Variants in TANGO6 observed in about 807,000 individuals in gnomAD.
TANGO6 encodes transport and Golgi organization protein 6 homolog.
In TANGO6, 90 loss-of-function variants were observed where a neutral mutation model predicts 114.2. The observed-to-expected ratio is 0.79, with a 90% CI of 0.66 to 0.94. The LOEUF (loss-of-function observed/expected upper bound fraction) is 0.94, where lower values mean the gene tolerates loss of function less well. Ranked by LOEUF, TANGO6 falls within the 40% of genes least tolerant of loss-of-function variation. The probability of loss-of-function intolerance (pLI) is 0.00; values close to 1 mark genes in which losing one functional copy is unlikely to be tolerated. For missense variants in TANGO6, 1,274 were observed against 1,315.3 expected, an observed-to-expected ratio of 0.97 and a Z score of 0.49; for synonymous variants, 477 against 509.8, an observed-to-expected ratio of 0.94 and a Z score of 0.87.
intron 4 of TANGO6, among the ~76,000 whole-genome samples, chr16:68,868,492 ATTTTTTTTTTT>A (rs765054621): frequency 4.3e-5 from 4 of 93,684 alleles, no homozygotes; most frequent in Admixed American, 1.2e-4. Context: ...CTATATTTCT[ATTTTTTTTTTT>A]TTTTTTTTTT....
intron 14 of TANGO6, among the ~76,000 whole-genome samples, chr16:68,943,806 C>G (rs1390744283): frequency 6.6e-6 from 1 of 152,080 alleles, no homozygotes; most frequent in African/African-American, 2.4e-5. Flanking sequence ...TTTTAAGAAA[C>G]AGCACGAAGG....
chr16:69,018,292 C>G (rs1343325699), intron 15 of TANGO6, among the ~76,000 whole-genome samples: 1 of 150,962 alleles, frequency 6.6e-6, no homozygotes, highest in Non-Finnish European at 1.5e-5. Flanking sequence ...TACAGGCGCC[C>G]GCCACCACGC....
In TANGO6 at chr16:68,860,359, T is replaced by C. The variant is rs1219435856; in HGVS notation, c.570T>C (p.Asp190=). 3 of 1,614,012 alleles carry C rather than the reference T, an allele frequency of 1.9e-6. No homozygotes were observed. Among genetic ancestry groups the C allele is most frequent in the Admixed American group, 3.3e-5 (2 of 60,006 alleles). Residue 190 remains aspartate, a synonymous_variant, in exon 2 of 18, where the codon GAT becomes GAC. Transcript: ENST00000261778. ...TGGTGTGTTTTGATGCTGCCCCCGA[T>C]GCAACTCGAAGACTGTACACCAGCT... The part of the protein sequence containing the change: ...QDVVCFDAAP[D]ATRRLYTSCK...
At chr16:68,900,192 G>T in intron 7 of TANGO6, 1 of 446,390 alleles carries the variant, frequency 2.2e-6, no homozygotes. Context: ...GACCTATTCT[G>T]GGCAGTTCTA....
intron 1 of TANGO6, among the ~76,000 whole-genome samples, chr16:68,853,686 G>A (rs922886344): frequency 1.3e-5 from 2 of 152,140 alleles, no homozygotes; most frequent in African/African-American, 4.8e-5. Context: ...GGATTATAGG[G>A]TAGGTATATG....
intron 14 of TANGO6, among the ~76,000 whole-genome samples, chr16:68,934,105 T>C (rs1164692484): frequency 6.6e-6 from 1 of 151,574 alleles, no homozygotes; most frequent in Non-Finnish European, 1.5e-5. Context: ...TATAGTGGCA[T>C]GATCGTGGTT....
In TANGO6 at chr16:68,919,221, T is replaced by G; in HGVS notation, c.2127+2T>G. The G allele has an allele frequency of 6.2e-7, 1 of 1,612,142 alleles. No individual in the cohort carries two copies. Among genetic ancestry groups the G allele is most frequent in the Non-Finnish European group, 8.5e-7 (1 of 1,179,378 alleles). On this transcript the variant is annotated splice_donor_variant, in intron 12 of 17. Transcript: ENST00000261778. LOFTEE classifies it high-confidence loss of function. ...GTCATGCTAGGAGGAGCTGTTCAGG[T>G]GAGTTGTAGACATGAGGCAAGCTTG...
chr16:68,906,832 T>C (rs1347468639), intron 9 of TANGO6, among the ~76,000 whole-genome samples: 5 of 151,134 alleles, frequency 3.3e-5, no homozygotes, highest in Non-Finnish European at 5.9e-5. Flanking sequence ...TCACTCTTGT[T>C]ACCCAGGCTG....
chr16:68,893,200 G>A (rs763039256), intron 7 of TANGO6, among the ~76,000 whole-genome samples: 3 of 151,934 alleles, frequency 2.0e-5, no homozygotes, highest in Non-Finnish European at 4.4e-5. Flanking sequence ...AAGGAAATGA[G>A]CAAACTTGCA....
At chr16:68,900,215 A>G (rs980168668) in intron 7 of TANGO6, 2 of 553,570 alleles carry the variant, frequency 3.6e-6, no homozygotes, top group Non-Finnish European at 6.4e-6. Context: ...GACTGCACAC[A>G]TGAAATGGTG....
intron 16 of TANGO6, among the ~76,000 whole-genome samples, chr16:69,028,338 G>A (rs1461860152): frequency 6.6e-6 from 1 of 151,924 alleles, no homozygotes; most frequent in Non-Finnish European, 1.5e-5. Flanking sequence ...CATTTAAAGT[G>A]CACAATTCAG....
At chr16:69,067,886 A>T (rs1313343884) in intron 17 of TANGO6, among the ~76,000 whole-genome samples, 1 of 151,066 alleles carries the variant, frequency 6.6e-6, no homozygotes, top group East Asian at 1.9e-4. Context: ...GTGGTGAGCC[A>T]AGATTGCACC....
intron 16 of TANGO6, chr16:69,026,788 GC>G (rs1463540732): frequency 6.6e-6 from 1 of 152,396 alleles, no homozygotes; most frequent in African/African-American, 2.4e-5. Context: ...TTGACTCACT[GC>G]AGCCTCCACC....
intron 7 of TANGO6, among the ~76,000 whole-genome samples, chr16:68,893,244 G>T (rs1028108770): frequency 1.2e-4 from 18 of 152,146 alleles, no homozygotes; most frequent in Non-Finnish European, 1.9e-4. Context: ...AGATACGAAA[G>T]AGGCCTTACA....
chr16:69,010,563 T>C (rs1456416639), intron 15 of TANGO6, among the ~76,000 whole-genome samples: 1 of 152,142 alleles, frequency 6.6e-6, no homozygotes, highest in Admixed American at 6.6e-5. Flanking sequence ...CCACCTTGCC[T>C]CTGCTGTCAC....
intron 17 of TANGO6, among the ~76,000 whole-genome samples, chr16:69,077,169 C>T (rs1443236347): frequency 5.3e-5 from 8 of 151,924 alleles, no homozygotes; most frequent in Non-Finnish European, 1.5e-5. Context: ...AGCCTCCAAG[C>T]CCTAGACTGC....
At chr16:68,992,499 G>T (rs922370871) in intron 15 of TANGO6, among the ~76,000 whole-genome samples, 3 of 152,108 alleles carry the variant, frequency 2.0e-5, no homozygotes, top group Non-Finnish European at 2.9e-5. Context: ...AATAAATGTT[G>T]GTTGCTATTT....
intron 15 of TANGO6, among the ~76,000 whole-genome samples, chr16:69,006,706 G>C (rs532697156): frequency 6.6e-6 from 1 of 152,038 alleles, no homozygotes; most frequent in African/African-American, 2.4e-5. Flanking sequence ...AACTGAGATC[G>C]CACCACTGCA....
intron 3 of TANGO6, among the ~76,000 whole-genome samples, chr16:68,864,298 G>A (rs1196780473): frequency 1.3e-5 from 2 of 152,176 alleles, no homozygotes; most frequent in Non-Finnish European, 2.9e-5. Context: ...AGCCAGCCAG[G>A]CACTGTGGCT....
Sources: gnomAD v4.1 joint callset for allele counts (sites outside exome capture counted in the v4.1 genomes callset) on GRCh38, gnomAD v4.1.1 for gene constraint, MANE v1.5 for transcripts, NCBI Gene and HGNC (gene_info 2026-07-23, HGNC 2026-07-21) for gene names.